Variants in PPP1CB observed in about 807,000 individuals in gnomAD.
PPP1CB encodes serine/threonine-protein phosphatase PP1-beta catalytic subunit.
PPP1CB carries 2 observed loss-of-function variants against 43.7 expected under a neutral mutation model. The observed-to-expected ratio is 0.05, with a 90% CI of 0.02 to 0.14. The LOEUF is 0.14. Among genes scored for constraint, PPP1CB ranks in the 10% least tolerant of loss-of-function variants. PPP1CB has a pLI of 1.00. For missense variants in PPP1CB, 84 were observed against 398.0 expected (o/e 0.21, Z 6.71); for synonymous variants, 136 against 135.6 (o/e 1.00, Z -0.02).
chr2:28,779,440 T>G (rs1284063134), intron 3 of PPP1CB, among the ~76,000 whole-genome samples: 2 of 152,226 alleles, frequency 1.3e-5, no homozygotes, highest in Non-Finnish European at 2.9e-5. Context: ...TGAAACTATT[T>G]AAAAGTCAAA....
At chr2:28,788,629 C>G (rs1414415769) in intron 5 of PPP1CB, 29 bp from the exon 6 acceptor site, 3 of 1,602,488 alleles carry the variant, frequency 1.9e-6, no homozygotes. Flanking sequence ...AAATTTTGTT[C>G]TTAATTGCTG....
At chr2:28,773,705 C>G (rs1214880602) in intron 1 of PPP1CB, among the ~76,000 whole-genome samples, 5 of 152,130 alleles carry the variant, frequency 3.3e-5, no homozygotes. Context: ...CATAAAGGAG[C>G]AGGACTTTTG....
At chr2:28,773,505 A>G (rs1484080344) in intron 1 of PPP1CB, among the ~76,000 whole-genome samples, 2 of 152,216 alleles carry the variant, frequency 1.3e-5, no homozygotes, top group African/African-American at 4.8e-5. Context: ...AAAAGGATTA[A>G]ATGAAATGAT....
At chr2:28,780,119 G>A (rs549266164) in intron 3 of PPP1CB, among the ~76,000 whole-genome samples, 2 of 125,948 alleles carry the variant, frequency 1.6e-5, no homozygotes, top group African/African-American at 3.0e-5. Flanking sequence ...ACGGAGTCTC[G>A]CTCTTCTTGC....
rs1400455513 is a variant in PPP1CB at position 28,802,823 on chromosome 2, C to T, written c.*3520C>T. The stretch of plus-strand genomic sequence containing the variant: ...TTTAAAAGTCAAAGCTTGTTTTCTT[C>T]AACCACTACCTTCTACATTGGTTGA... On this transcript the variant is annotated 3_prime_UTR_variant, in exon 8 of 8. Coordinates refer to ENST00000395366, the MANE Select transcript of PPP1CB (RefSeq NM_002709.3). The T allele has an allele frequency of 6.6e-6, 1 of 152,210 alleles. No homozygotes were observed. The highest frequency in any genetic ancestry group is 1.5e-5 in the Non-Finnish European group (1 of 68,026). 9.4% of individuals were successfully genotyped at this position (152,210 alleles called of 1,614,324 possible). A position where few individuals can be genotyped will look rare whatever the true frequency, so the allele number is the denominator to read the frequency against.
chr2:28,793,030 A>G (rs1357956436), intron 6 of PPP1CB, among the ~76,000 whole-genome samples: 1 of 152,014 alleles, frequency 6.6e-6, no homozygotes, highest in African/African-American at 2.4e-5. Flanking sequence ...ACATGACAAA[A>G]CCTCATCTCT....
chr2:28,762,379 G>A (rs1387491531), intron 1 of PPP1CB, among the ~76,000 whole-genome samples: 1 of 152,244 alleles, frequency 6.6e-6, no homozygotes, highest in South Asian at 2.1e-4. Context: ...AAGCAAAAAT[G>A]TGAGAAGTGC....
intron 6 of PPP1CB, 87 bp downstream of exon 6, chr2:28,788,896 C>T (rs1667329726): frequency 7.4e-7 from 1 of 1,342,772 alleles, no homozygotes; most frequent in Non-Finnish European, 9.9e-7. Context: ...CTTGTTCTGT[C>T]ACCCAGGCTG....
chr2:28,753,988 A>G (rs1271800075), intron 1 of PPP1CB, among the ~76,000 whole-genome samples: 1 of 152,138 alleles, frequency 6.6e-6, no homozygotes, highest in African/African-American at 2.4e-5. Context: ...CACCCGCTTC[A>G]GCCTCCCAAA....
intron 1 of PPP1CB, among the ~76,000 whole-genome samples, chr2:28,756,000 G>T (rs1001333609): frequency 6.6e-6 from 1 of 152,106 alleles, no homozygotes; most frequent in Non-Finnish European, 1.5e-5. Context: ...TTGAAATTTT[G>T]ATATATTTTT....
At chr2:28,762,011 T>C (rs771090761) in intron 1 of PPP1CB, among the ~76,000 whole-genome samples, 2 of 152,212 alleles carry the variant, frequency 1.3e-5, no homozygotes, top group South Asian at 4.1e-4. Context: ...CGGCCGGGCA[T>C]GGTAGCTCAC....
chr2:28,754,343 GGC>G (rs897744087), intron 1 of PPP1CB, among the ~76,000 whole-genome samples: 1 of 89,970 alleles, frequency 1.1e-5, no homozygotes, highest in Non-Finnish European at 2.3e-5. Flanking sequence ...TTTTTGGGGG[GGC>G]GGGGGGGGGG....
In PPP1CB at chr2:28,756,210, T is replaced by C. The variant is rs114867245; in HGVS notation, c.52+4034T>C. 7.1e-3 allele frequency among the ~76,000 whole-genome samples: 1,082 copies of C among 152,360 alleles called. 10 individuals carry two copies. Among genetic ancestry groups the C allele is most frequent in the African/African-American group, 0.025 (1,027 of 41,580 alleles). ...TTTTCTTAAAGTATTTTTTAACATA[T>C]TACCACGAAGCTGAACTTGACTATT... On this transcript the variant is annotated intron_variant, in intron 1 of 7. Transcript: ENST00000395366.
intron 5 of PPP1CB, among the ~76,000 whole-genome samples, chr2:28,786,153 G>T (rs960872458): frequency 6.6e-6 from 1 of 151,890 alleles, no homozygotes; most frequent in African/African-American, 2.4e-5. Context: ...CACTCTTGTC[G>T]CCCAGGCTGG....
At chr2:28,753,662 A>C (rs1227443934) in intron 1 of PPP1CB, among the ~76,000 whole-genome samples, 1 of 152,218 alleles carries the variant, frequency 6.6e-6, no homozygotes, top group African/African-American at 2.4e-5. Flanking sequence ...TTATGAGGGA[A>C]ATACAGTTAA....
At chr2:28,796,458 G>C (rs980732806) in intron 7 of PPP1CB, among the ~76,000 whole-genome samples, 1 of 152,054 alleles carries the variant, frequency 6.6e-6, no homozygotes, top group Non-Finnish European at 1.5e-5. Context: ...CATCACCTCT[G>C]ATTTCTTTCA....
At chr2:28,795,359 G>C (rs981358094) in intron 7 of PPP1CB, among the ~76,000 whole-genome samples, 3 of 152,082 alleles carry the variant, frequency 2.0e-5, no homozygotes, top group Non-Finnish European at 4.4e-5. Flanking sequence ...TTGCTGGGTC[G>C]AATGGTGGTT....
At chr2:28,797,674 G>A (rs574950319) in intron 7 of PPP1CB, among the ~76,000 whole-genome samples, 24 of 152,182 alleles carry the variant, frequency 1.6e-4, no homozygotes, top group African/African-American at 5.8e-4. Flanking sequence ...TGTGGGGTTG[G>A]TTGTAATGTC....
intron 1 of PPP1CB, among the ~76,000 whole-genome samples, chr2:28,767,080 CA>C (rs70956037): frequency 0.42 from 59,895 of 141,866 alleles, 12,820 homozygotes; most frequent in Middle Eastern, 0.51. Flanking sequence ...GACTCCATCT[CA>C]AAAAAAAAAA....
Sources: allele counts gnomAD v4.1 joint callset (sites outside exome capture counted in the v4.1 genomes callset), GRCh38; gene constraint gnomAD v4.1.1; transcripts MANE v1.5; gene names NCBI Gene and HGNC (gene_info 2026-07-23, HGNC 2026-07-21).